Variants in TMEM45A observed in about 807,000 individuals in gnomAD.
TMEM45A encodes the protein transmembrane protein 45A.
Under a neutral mutation model 32.0 loss-of-function variants are expected in TMEM45A, and 25 were observed. That is an observed-to-expected ratio of 0.78 (90% confidence interval 0.57 to 1.09). TMEM45A has a LOEUF of 1.09. Among genes scored for constraint, TMEM45A ranks in the 50% least tolerant of loss-of-function variants. TMEM45A has a pLI of 0.00. For synonymous variants in TMEM45A, 122 were observed against 114.8 expected, an observed-to-expected ratio of 1.06 and a Z score of -0.40; for missense variants, 302 against 325.0, an observed-to-expected ratio of 0.93 and a Z score of 0.54.
intron 1 of TMEM45A, among the ~76,000 whole-genome samples, chr3:100,497,135 C>T (rs1342085565): frequency 2.6e-5 from 4 of 152,162 alleles, no homozygotes; most frequent in Non-Finnish European, 5.9e-5. Context: ...TTAGGTTGCT[C>T]TTTATCTAAT....
intron 1 of TMEM45A, among the ~76,000 whole-genome samples, chr3:100,495,800 G>A (rs1707915880): frequency 6.6e-6 from 1 of 152,042 alleles, no homozygotes. Flanking sequence ...GGTGCTCAGG[G>A]CAGTTACCCA....
At chr3:100,527,451 T>C (rs1293141512) in intron 1 of TMEM45A, among the ~76,000 whole-genome samples, 3 of 152,174 alleles carry the variant, frequency 2.0e-5, no homozygotes, top group Non-Finnish European at 4.4e-5. Context: ...TTTTTTTCTA[T>C]TTGCTCAGAA....
chr3:100,524,591 A>G (rs1705505005), intron 1 of TMEM45A, among the ~76,000 whole-genome samples: 1 of 152,170 alleles, frequency 6.6e-6, no homozygotes, highest in Non-Finnish European at 1.5e-5. Flanking sequence ...AGCTAGTCCC[A>G]ATTGAGATGT....
rs112683824 is a variant in TMEM45A, at chr3:100,538,177, T to C, written c.-3-17032T>C. On this transcript the variant is annotated intron_variant, in intron 1 of 5. Transcript: ENST00000323523. ...ACTAGATTCTTGTATTATGGGATGG[T>C]TTAAGGGCTCTCAGAGGCAGAGAGA... Among the ~76,000 whole-genome samples the C allele has an allele frequency of 5.5e-3, 841 of 152,266 alleles. 9 individuals are homozygous for C. Among genetic ancestry groups the C allele is most frequent in the African/African-American group, 0.019 (808 of 41,540 alleles).
chr3:100,528,327 T>C (rs1705586524), intron 1 of TMEM45A, among the ~76,000 whole-genome samples: 1 of 152,246 alleles, frequency 6.6e-6, no homozygotes, highest in Non-Finnish European at 1.5e-5. Flanking sequence ...CTCAGGGGTG[T>C]GCAACCCAAC....
rs138092253 is a variant in TMEM45A at position 100,500,109 on chromosome 3, C to T, written c.-4+7181C>T. Among the ~76,000 whole-genome samples the T allele has an allele frequency of 6.0e-4, 91 of 152,282 alleles. 1 individual carries two copies. The East Asian group carries it at 0.015, about 26-fold the overall frequency. ...ATGGTTTCTTCCCTTCCACTACTCT[C>T]CCCACAATTAAACTTTGTTAATAGT... On this transcript the variant is annotated intron_variant, in intron 1 of 5. Coordinates refer to ENST00000323523, the MANE Select transcript of TMEM45A (RefSeq NM_018004.3).
At chr3:100,548,187 A>C (rs985654806) in intron 1 of TMEM45A, among the ~76,000 whole-genome samples, 3 of 152,198 alleles carry the variant, frequency 2.0e-5, no homozygotes, top group African/African-American at 7.2e-5. Context: ...TGAGACACTC[A>C]TCTCTGGTCA....
At chr3:100,516,222 A>G (rs981216619) in intron 1 of TMEM45A, among the ~76,000 whole-genome samples, 1 of 152,228 alleles carries the variant, frequency 6.6e-6, no homozygotes, top group African/African-American at 2.4e-5. Flanking sequence ...TGGACATGAT[A>G]GTAGGAAGTC....
chr3:100,504,391 G>T (rs1708052572), intron 1 of TMEM45A, among the ~76,000 whole-genome samples: 1 of 152,172 alleles, frequency 6.6e-6, no homozygotes, highest in Non-Finnish European at 1.5e-5. Flanking sequence ...CACAGGGTGT[G>T]GTTGAAATAG....
At chr3:100,541,963 A>G (rs1227495862) in intron 1 of TMEM45A, among the ~76,000 whole-genome samples, 3 of 116,426 alleles carry the variant, frequency 2.6e-5, no homozygotes, top group African/African-American at 1.1e-4. Flanking sequence ...ATGACTGTAC[A>G]TGCATGTTTT....
chr3:100,539,304 A>G (rs1442908675), intron 1 of TMEM45A, among the ~76,000 whole-genome samples: 1 of 152,124 alleles, frequency 6.6e-6, no homozygotes, highest in African/African-American at 2.4e-5. Context: ...CACATAATAC[A>G]GTCAGCTGAT....
intron 5 of TMEM45A, chr3:100,572,376 T>C (rs1297691572): frequency 1.1e-4 from 17 of 152,268 alleles, no homozygotes; most frequent in African/African-American, 3.4e-4. Flanking sequence ...TTTCATGTGT[T>C]TTTTGGCTAC....
chr3:100,506,821 G>A (rs1490887393), intron 1 of TMEM45A, among the ~76,000 whole-genome samples: 1 of 152,176 alleles, frequency 6.6e-6, no homozygotes, highest in Non-Finnish European at 1.5e-5. Flanking sequence ...CAGATTCAAA[G>A]GCTTGGAGAG....
Position 100,510,358 on chromosome 3 carries a change from G to C in TMEM45A, c.-4+17430G>C, listed in dbSNP as rs545387942. 4.1e-4 allele frequency among the ~76,000 whole-genome samples: 63 copies of C among 152,276 alleles called. 1 individual carries two copies. In the South Asian group the frequency reaches 0.01, roughly 25 times the overall value. On this transcript the variant is annotated intron_variant, in intron 1 of 5. Coordinates refer to ENST00000323523, the MANE Select transcript of TMEM45A (RefSeq NM_018004.3). ...TGGGAGGCACCCCCCAGCAGGGGCAGACTGACACCTCACATGGCTGGGTAC... is the reference window on the plus strand; with the variant it reads ...TGGGAGGCACCCCCCAGCAGGGGCACACTGACACCTCACATGGCTGGGTAC...
intron 1 of TMEM45A, among the ~76,000 whole-genome samples, chr3:100,518,049 GGGTCTGCT>G (rs1170386013): frequency 6.6e-6 from 1 of 152,194 alleles, no homozygotes; most frequent in Non-Finnish European, 1.5e-5. Flanking sequence ...GGGTTTAGGA[GGGTCTGCT>G]GGTTAGTTCC....
chr3:100,541,343 T>C (rs906156105), intron 1 of TMEM45A, among the ~76,000 whole-genome samples: 3 of 152,276 alleles, frequency 2.0e-5, no homozygotes, highest in African/African-American at 7.2e-5. Flanking sequence ...AGGTCCCACT[T>C]GTTGATTTTT....
intron 1 of TMEM45A, among the ~76,000 whole-genome samples, chr3:100,508,581 A>G (rs1708110952): frequency 6.6e-6 from 1 of 152,238 alleles, no homozygotes; most frequent in African/African-American, 2.4e-5. Flanking sequence ...TATAGTAAGC[A>G]AAACAACATG....
Position 100,558,419 on chromosome 3 carries a change from A to G in TMEM45A, c.418A>G (p.Asn140Asp). 1 of 1,613,486 alleles carries G rather than the reference A, an allele frequency of 6.2e-7. No homozygotes were observed. The highest frequency in any genetic ancestry group is 8.5e-7 in the Non-Finnish European group (1 of 1,179,998). ...TTCCCCATCAGCCTTTATCTTCTAC[A>G]ACCACACTCATGGCCGGGAAATGCT... ...ALFVEAFIFY[N>D]HTHGREMLDI... is the part of the protein sequence containing the mutation. Residue 140 changes from asparagine (N) to aspartate (D), a missense_variant, in exon 4 of 6, where the codon AAC becomes GAC. Coordinates refer to ENST00000323523, the MANE Select transcript of TMEM45A (RefSeq NM_018004.3).
chr3:100,570,201 C>T (rs1264741022), intron 5 of TMEM45A, among the ~76,000 whole-genome samples: 9 of 152,196 alleles, frequency 5.9e-5, no homozygotes, highest in African/African-American at 2.2e-4. Context: ...GTATTGGACA[C>T]TACACATCTA....
Sources: allele counts gnomAD v4.1 joint callset (sites outside exome capture counted in the v4.1 genomes callset), GRCh38; gene constraint gnomAD v4.1.1; transcripts MANE v1.5; gene names NCBI Gene and HGNC (gene_info 2026-07-23, HGNC 2026-07-21).